FANCD2: variants seen among roughly 807,000 people sequenced by gnomAD.
FANCD2 encodes the protein FA complementation group D2.
FANCD2 carries 131 observed loss-of-function variants against 192.3 expected under a neutral mutation model. The ratio of observed to expected loss-of-function variants is 0.68; its 90% confidence interval spans 0.59 to 0.79. The LOEUF (loss-of-function observed/expected upper bound fraction) is 0.79, where lower values mean the gene tolerates loss of function less well. Ranked by LOEUF, FANCD2 falls within the 30% of genes least tolerant of loss-of-function variation. The pLI is 0.00. For synonymous variants in FANCD2, 524 were observed against 612.5 expected, an observed-to-expected ratio of 0.86 and a Z score of 2.13; for missense variants, 1,508 against 1,701.6, an observed-to-expected ratio of 0.89 and a Z score of 2.00.
Position 10,101,611 on chromosome 3 carries a change from C to A in FANCD2, c.*349C>A. Reference sequence around the variant, plus strand: ...ATGTCGGCCAGATGGTCTCAATCTCCTGAACTCATGATCCACCTGCCTCAG... The same window carrying A: ...ATGTCGGCCAGATGGTCTCAATCTCATGAACTCATGATCCACCTGCCTCAG... On this transcript the variant is annotated 3_prime_UTR_variant, in exon 44 of 44. Transcript: ENST00000675286. 1 of 346,142 alleles carries A rather than the reference C, an allele frequency of 2.9e-6. No homozygotes were observed. Among genetic ancestry groups the A allele is most frequent in the South Asian group, 3.3e-5 (1 of 30,684 alleles). The allele number at this position is 346,142 out of a possible 1,614,324, so 21.4% of individuals were successfully genotyped here.
At chr3:10,051,242 G>C (rs535885275) in intron 17 of FANCD2, among the ~76,000 whole-genome samples, 1 of 148,434 alleles carries the variant, frequency 6.7e-6, no homozygotes, top group Non-Finnish European at 1.5e-5. Context: ...TTAGCCGGGC[G>C]TAGTGGTGGG....
rs141566218 is a variant in FANCD2, at chr3:10,039,702, A to T, written c.571-19A>T. The T allele has an allele frequency of 1.5e-4, 250 of 1,613,980 alleles. 1 individual carries two copies. The highest frequency in any genetic ancestry group is 1.3e-3 in the Middle Eastern group (8 of 6,040). ...TTCTGGGTAATGTGCTGCAGTTCTA[A>T]TAGTGTCTTCTACTGCAGGACCTCA... On this transcript the variant is annotated intron_variant, in intron 8 of 43. Transcript: ENST00000675286.
intron 25 of FANCD2, 71 bp downstream of exon 25, chr3:10,066,050 C>G (rs1575795576): frequency 2.1e-6 from 2 of 972,224 alleles, no homozygotes; most frequent in East Asian, 2.5e-5. Flanking sequence ...TTAGTTCCCA[C>G]AAGACTCCCT....
intron 32 of FANCD2, among the ~76,000 whole-genome samples, chr3:10,082,949 T>C (rs1196155468): frequency 6.6e-6 from 1 of 152,144 alleles, no homozygotes; most frequent in African/African-American, 2.4e-5. Context: ...GAAAGGGGCC[T>C]GACATCGTGG....
chr3:10,046,216 G>T (rs1219795802), intron 14 of FANCD2, among the ~76,000 whole-genome samples: 3 of 151,836 alleles, frequency 2.0e-5, no homozygotes, highest in African/African-American at 7.3e-5. Context: ...GCCACACCCG[G>T]CTAATTTTTT....
In FANCD2 at chr3:10,067,274, G is replaced by C. The variant is rs774509928; in HGVS notation, c.2451G>C (p.Lys817Asn). Reference sequence around the variant, plus strand: ...AGGGGAAGGTGCTCACTCGGTTAAAGCACATTGTAGAATTGCAAATAATCC... The same window carrying C: ...AGGGGAAGGTGCTCACTCGGTTAAACCACATTGTAGAATTGCAAATAATCC... ...EMKGKVLTRL[K>N]HIVELQIILE... The change falls in exon 26 of 44, where the codon AAG becomes AAC. Residue 817 changes from lysine (K) to asparagine (N), a missense_variant. Physicochemically the swap from Lys to Asn is moderately conservative, Grantham distance 94. Around this residue, in one of 5 missense-constraint regions of FANCD2, gnomAD observed 796 missense variants for 879.4 expected, o/e 0.91. Coordinates refer to ENST00000675286, the MANE Select transcript of FANCD2 (RefSeq NM_001018115.3). The C allele has an allele frequency of 1.3e-5, 21 of 1,613,722 alleles. No homozygotes were observed. Among genetic ancestry groups the C allele is most frequent in the Non-Finnish European group, 1.8e-5 (21 of 1,179,680 alleles).
At chr3:10,033,212 G>A (rs1431024674) in intron 3 of FANCD2, among the ~76,000 whole-genome samples, 1 of 152,052 alleles carries the variant, frequency 6.6e-6, no homozygotes, top group African/African-American at 2.4e-5. Flanking sequence ...AGGAATTTGC[G>A]ACCGGCCTGG....
chr3:10,057,319 G>C (rs1285890801), intron 18 of FANCD2, among the ~76,000 whole-genome samples: 4 of 150,932 alleles, frequency 2.7e-5, no homozygotes, highest in Non-Finnish European at 5.9e-5. Flanking sequence ...AAAGTATTTA[G>C]TTTCAATAAA....
chr3:10,078,081 G>C lies in FANCD2; in HGVS notation c.2860G>C (p.Ala954Pro). 6.3e-7 allele frequency: 1 copy of C among 1,597,570 alleles called. No homozygotes were observed. The highest frequency in any genetic ancestry group is 8.6e-7 in the Non-Finnish European group (1 of 1,165,208). ...FILDTEMHTE[A>P]TEVVQLGPPE... ...ACTAATCCTTTCCTCCATGTGACAG[G>C]CTACAGAAGTTGTGCAACTTGGGCC... The change falls in exon 30 of 44, where the codon GCT (alanine) becomes CCT (proline). Residue 954 changes from alanine to proline, a missense_variant and splice_region_variant. Coordinates refer to ENST00000675286, the MANE Select transcript of FANCD2 (RefSeq NM_001018115.3).
Position 10,101,257 on chromosome 3 carries a change from G to C in FANCD2, c.4351G>C (p.Asp1451His), listed in dbSNP as rs772618957. The C allele has an allele frequency of 3.7e-6, 6 of 1,605,592 alleles. No individual in the cohort carries two copies. In the African/African-American group the frequency reaches 6.7e-5, roughly 18 times the overall value. Residue 1451 changes from aspartate (D) to histidine (H), a missense_variant, in exon 44 of 44, where the codon GAT becomes CAT. Asp to His is a moderately conservative substitution (Grantham distance 81, BLOSUM62 -1). Transcript: ENST00000675286. ...TAGTGATGAGAGTTATGATGACTCT[G>C]ATTAGACCCCAGATAAATTGTTGCC... ...QDSDESYDDS[D>H]
chr3:10,048,190 G>A (rs754726372), intron 16 of FANCD2, 139 bp downstream of exon 16: 56 of 1,107,268 alleles, frequency 5.1e-5, no homozygotes, highest in Non-Finnish European at 7.2e-5. Flanking sequence ...TCTAGTCCCA[G>A]CCTTGATGAA....
chr3:10,087,868 C>T (rs972433822), intron 34 of FANCD2, among the ~76,000 whole-genome samples: 19 of 151,936 alleles, frequency 1.3e-4, no homozygotes, highest in Admixed American at 1.3e-4. Flanking sequence ...AGGCTGGTCT[C>T]GAACTCCTGA....
chr3:10,080,890 G>A (rs535326204), intron 30 of FANCD2, among the ~76,000 whole-genome samples: 8 of 152,154 alleles, frequency 5.3e-5, no homozygotes, highest in Non-Finnish European at 1.0e-4. Context: ...ATCAAACACT[G>A]TTCCTACTCT....
At chr3:10,091,385 C>A in intron 37 of FANCD2, among the ~76,000 whole-genome samples, 1 of 150,120 alleles carries the variant, frequency 6.7e-6, no homozygotes, top group Non-Finnish European at 1.5e-5. Flanking sequence ...CTGGCATAAA[C>A]CAGTGCAGCC....
chr3:10,064,619 T>A lies in FANCD2; in HGVS notation c.2022-110T>A. On this transcript the variant is annotated intron_variant, in intron 22 of 43. Transcript: ENST00000675286. ...TCCTAAAAGGTTCACTGTTTGTTCT[T>A]CTAATTTCTCCCCATGATGTTGTGT... is the stretch of plus-strand genomic sequence containing the variant. The A allele has an allele frequency of 8.9e-6, 12 of 1,342,076 alleles. No homozygotes were observed. The South Asian group carries it at 1.4e-4, about 16-fold the overall frequency. 83.1% of individuals were successfully genotyped at this position (1,342,076 alleles called of 1,614,324 possible).
chr3:10,044,535 G>A (rs1189834543), intron 14 of FANCD2, among the ~76,000 whole-genome samples: 1 of 152,028 alleles, frequency 6.6e-6, no homozygotes, highest in Non-Finnish European at 1.5e-5. Flanking sequence ...GCCTGGCCTG[G>A]TGGCACACGC....
In FANCD2 at chr3:10,042,588, G is replaced by A. The variant is rs773072936; in HGVS notation, c.813G>A (p.Ser271=). The change falls in exon 11 of 44, where the codon TCG becomes TCA. Residue 271 remains serine (S), a synonymous_variant. Coordinates refer to ENST00000675286, the MANE Select transcript of FANCD2 (RefSeq NM_001018115.3). ...GCCAGTTGGTGATGGATAAGTTGTC[G>A]TCTATTAGATTGGAGGATTTACCTG... is the stretch of plus-strand genomic sequence containing the variant. ...KVRQLVMDKL[S]SIRLEDLPVI... is the part of the protein sequence containing the mutation. 21 of 1,613,812 alleles carry A rather than the reference G, an allele frequency of 1.3e-5. No individual in the cohort carries two copies. In the Middle Eastern group the frequency reaches 8.2e-4, roughly 63 times the overall value.
chr3:10,065,146 G>A (rs570901187), intron 23 of FANCD2, among the ~76,000 whole-genome samples: 57 of 152,188 alleles, frequency 3.7e-4, no homozygotes, highest in African/African-American at 1.3e-3. Context: ...AAAATTAGCC[G>A]GGCAGTGTGG....
intron 14 of FANCD2, among the ~76,000 whole-genome samples, chr3:10,045,182 T>C (rs1212684825): frequency 6.6e-6 from 1 of 152,120 alleles, no homozygotes; most frequent in Admixed American, 6.5e-5. Context: ...TTTGTTTTTG[T>C]TTTTGAGACG....
Sources: allele counts gnomAD v4.1 joint callset (sites outside exome capture counted in the v4.1 genomes callset), GRCh38; gene constraint gnomAD v4.1.1; regional missense constraint gnomAD v4.1.1; transcripts MANE v1.5; gene names NCBI Gene and HGNC (gene_info 2026-07-23, HGNC 2026-07-21).